The following LCLAT1 variants were observed in gnomAD, a reference collection of about 807,000 sequenced individuals.
The protein encoded by LCLAT1 is 1-AGP acyltransferase 8.
A neutral mutation model predicts 30.7 loss-of-function variants in LCLAT1; 11 were observed. That is an observed-to-expected ratio of 0.36 (90% CI 0.23 to 0.59). The LOEUF (loss-of-function observed/expected upper bound fraction) is 0.59. Ranked by LOEUF, LCLAT1 falls within the 20% of genes least tolerant of loss-of-function variation. The pLI is 0.77. For missense variants in LCLAT1, 402 were observed against 458.6 expected, an observed-to-expected ratio of 0.88 and a Z score of 1.13; for synonymous variants, 155 against 151.3, an observed-to-expected ratio of 1.02 and a Z score of -0.18.
At chr2:30,598,177 C>T (rs560580342) in intron 5 of LCLAT1, among the ~76,000 whole-genome samples, 9 of 152,004 alleles carry the variant, frequency 5.9e-5, no homozygotes, top group Non-Finnish European at 1.3e-4. Context: ...GGGAGGGGTC[C>T]CTCCTTTTCG....
At chr2:30,499,522 G>A (rs925513108) in intron 1 of LCLAT1, among the ~76,000 whole-genome samples, 1 of 152,108 alleles carries the variant, frequency 6.6e-6, no homozygotes, top group Non-Finnish European at 1.5e-5. Context: ...GACTTCTTGG[G>A]ATTTTTGGAT....
intron 3 of LCLAT1, among the ~76,000 whole-genome samples, chr2:30,540,839 AT>A (rs1426275202): frequency 6.6e-6 from 1 of 151,018 alleles, no homozygotes; most frequent in African/African-American, 2.4e-5. Context: ...TACTTTTTGT[AT>A]TTTAAGTAGA....
At chr2:30,583,922 T>A (rs2148469146) in intron 5 of LCLAT1, among the ~76,000 whole-genome samples, 1 of 151,878 alleles carries the variant, frequency 6.6e-6, no homozygotes, top group Middle Eastern at 3.4e-3. Flanking sequence ...TCCTTTTAAG[T>A]TCCAGGATAC....
At chr2:30,578,109 C>A (rs995267284) in intron 5 of LCLAT1, among the ~76,000 whole-genome samples, 3 of 152,066 alleles carry the variant, frequency 2.0e-5, no homozygotes, top group Admixed American at 2.0e-4. Flanking sequence ...CAGCCACTTT[C>A]TTTGAAGTGA....
At chr2:30,605,563 G>A (rs1285936183) in intron 5 of LCLAT1, among the ~76,000 whole-genome samples, 2 of 152,108 alleles carry the variant, frequency 1.3e-5, no homozygotes, top group African/African-American at 4.8e-5. Context: ...AGATATGTAA[G>A]GCAATTTCAG....
At chr2:30,465,860 T>C (rs557139987) in intron 1 of LCLAT1, among the ~76,000 whole-genome samples, 91 of 152,174 alleles carry the variant, frequency 6.0e-4, no homozygotes, top group Non-Finnish European at 1.1e-3. Context: ...AGAACAAAAG[T>C]CTTCTTTAAC....
In LCLAT1 at chr2:30,633,790, A is replaced by G. The variant is rs112537683; in HGVS notation, c.629-6327A>G. ...TTAGTTGTTATGAGATCACTGAGTT[A>G]AAAAAATTGTGTTATTCTGTCATTG... On this transcript the variant is annotated intron_variant, in intron 5 of 5. Coordinates refer to ENST00000379509, the MANE Select transcript of LCLAT1 (RefSeq NM_001002257.3). Among the ~76,000 whole-genome samples, 712 of 152,308 alleles carry G rather than the reference A, an allele frequency of 4.7e-3. 3 individuals are homozygous for G. Among genetic ancestry groups the G allele is most frequent in the Non-Finnish European group, 7.3e-3 (495 of 68,022 alleles).
chr2:30,509,596 A>G (rs1426082626), intron 1 of LCLAT1, among the ~76,000 whole-genome samples: 4 of 151,546 alleles, frequency 2.6e-5, no homozygotes, highest in Non-Finnish European at 5.9e-5. Context: ...TTTTTAAGGC[A>G]GAGTCTCATT....
intron 1 of LCLAT1, among the ~76,000 whole-genome samples, chr2:30,473,356 T>C (rs1419596029): frequency 3.3e-5 from 5 of 152,126 alleles, no homozygotes; most frequent in Non-Finnish European, 7.4e-5. Context: ...GATCTTTCTT[T>C]TAAGTTAGTG....
chr2:30,597,025 A>G (rs939713363), intron 5 of LCLAT1, among the ~76,000 whole-genome samples: 9 of 136,414 alleles, frequency 6.6e-5, no homozygotes, highest in African/African-American at 2.5e-4. Context: ...TAACAGTACC[A>G]TGCTATTTTG....
At position 30,568,077 on chromosome 2, in the gene LCLAT1, A is replaced by G. The variant is rs200092138; in HGVS notation, c.529A>G (p.Ser177Gly). ...TTGTTTAGAAAACAGCAAGTCTCGA[A>G]GTAATGCATTTGCTGAAAAAAATGG... The part of the protein sequence containing the change: ...TDLTENSKSR[S>G]NAFAEKNGLQ... The change falls in exon 5 of 6, where the codon AGT becomes GGT. Residue 177 changes from serine (S) to glycine (G), a missense_variant. Transcript: ENST00000379509. 3 of 1,571,754 alleles carry G rather than the reference A, an allele frequency of 1.9e-6. No individual in the cohort carries two copies. Among genetic ancestry groups the G allele is most frequent in the Non-Finnish European group, 2.6e-6 (3 of 1,146,150 alleles).
At chr2:30,501,934 G>A (rs2148343989) in intron 1 of LCLAT1, among the ~76,000 whole-genome samples, 1 of 152,364 alleles carries the variant, frequency 6.6e-6, no homozygotes, top group East Asian at 1.9e-4. Flanking sequence ...TACCCTCAGT[G>A]ATATGTATAT....
rs1553362946 is a variant in LCLAT1, at chr2:30,501,076, C to CTGTG, written c.-4-24493_-4-24490dup. 2.0e-3 allele frequency among the ~76,000 whole-genome samples: 296 copies of CTGTG among 146,608 alleles called. 2 individuals are homozygous for CTGTG. Among genetic ancestry groups the CTGTG allele is most frequent in the Admixed American group, 3.1e-3 (46 of 14,670 alleles). ...ATTCCGTTTTTTGTTTTGTTTTGTT[C>CTGTG]TGTGTGTGTGTGTGTGTGTGTATGT... On this transcript the variant is annotated intron_variant, in intron 1 of 5. Transcript: ENST00000379509.
intron 1 of LCLAT1, among the ~76,000 whole-genome samples, chr2:30,470,256 C>T (rs763448491): frequency 5.9e-5 from 9 of 152,056 alleles, no homozygotes; most frequent in African/African-American, 1.7e-4. Context: ...TTGGGGTAAT[C>T]GGGGAAGTTA....
At chr2:30,519,104 G>T (rs867987902) in intron 1 of LCLAT1, among the ~76,000 whole-genome samples, 13 of 152,264 alleles carry the variant, frequency 8.5e-5, no homozygotes, top group Middle Eastern at 3.4e-3. Context: ...AGGCACCTGG[G>T]CCCTCACTGA....
At chr2:30,531,464 A>C (rs1168243174) in intron 2 of LCLAT1, among the ~76,000 whole-genome samples, 1 of 152,198 alleles carries the variant, frequency 6.6e-6, no homozygotes, top group Non-Finnish European at 1.5e-5. Context: ...TACCTAGCAA[A>C]GTATGTGTAC....
intron 1 of LCLAT1, among the ~76,000 whole-genome samples, chr2:30,460,535 C>A (rs1242334081): frequency 6.6e-6 from 1 of 152,176 alleles, no homozygotes; most frequent in Non-Finnish European, 1.5e-5. Flanking sequence ...GTCTCCATTT[C>A]TTGTGTATGT....
At chr2:30,479,010 G>A (rs1384009690) in intron 1 of LCLAT1, among the ~76,000 whole-genome samples, 1 of 152,006 alleles carries the variant, frequency 6.6e-6, no homozygotes, top group African/African-American at 2.4e-5. Flanking sequence ...AAATAAGAAT[G>A]TTCATAATGG....
intron 3 of LCLAT1, among the ~76,000 whole-genome samples, chr2:30,543,323 C>A (rs570015448): frequency 6.6e-6 from 1 of 152,204 alleles, no homozygotes; most frequent in Admixed American, 6.5e-5. Flanking sequence ...CTCCACTTAA[C>A]CTTTTTAATG....
Sources: gnomAD v4.1 joint callset for allele counts (sites outside exome capture counted in the v4.1 genomes callset) on GRCh38, gnomAD v4.1.1 for gene constraint, MANE v1.5 for transcripts, NCBI Gene and HGNC (gene_info 2026-07-23, HGNC 2026-07-21) for gene names.